The following ZNF665 variants were observed in gnomAD, a reference collection of about 807,000 sequenced individuals.
ZNF665 encodes the protein zinc finger protein 665.
ZNF665 carries 6 observed loss-of-function variants against 7.9 expected under a neutral mutation model. The observed-to-expected ratio is 0.76, with a 90% CI of 0.42 to 1.50. The LOEUF is 1.50. Ranked by LOEUF, ZNF665 falls within the 40% of genes most tolerant of loss-of-function variation. ZNF665 has a pLI of 0.01. For missense variants in ZNF665, 819 were observed against 806.7 expected, an observed-to-expected ratio of 1.02 and a Z score of -0.18; for synonymous variants, 242 against 274.5, an observed-to-expected ratio of 0.88 and a Z score of 1.17.
Position 53,164,382 on chromosome 19 carries a change from C to A in ZNF665, c.*71G>T. The A allele has an allele frequency of 7.9e-7, 1 of 1,271,560 alleles. No individual in the cohort carries two copies. The highest frequency in any genetic ancestry group is 1.6e-5 in the South Asian group (1 of 63,574). 78.8% of individuals were successfully genotyped at this position (1,271,560 alleles called of 1,614,324 possible). On this transcript the variant is annotated 3_prime_UTR_variant, in exon 4 of 4. Transcript: ENST00000396424. Reference sequence around the variant, plus strand: ...CGAACTCGAGACCTCAGGTGATCCCCCCGCCTCGGCCTCCCAAAGTGCTGG... The same window carrying A: ...CGAACTCGAGACCTCAGGTGATCCCACCGCCTCGGCCTCCCAAAGTGCTGG...
At chr19:53,181,547 G>A (rs1475507036) in intron 2 of ZNF665, 3 of 152,130 alleles carry the variant, frequency 2.0e-5, no homozygotes, top group African/African-American at 7.2e-5. Context: ...ACTAACAGAT[G>A]ACATACTCAC....
At chr19:53,184,056 C>G (rs2090758503) in intron 1 of ZNF665, among the ~76,000 whole-genome samples, 1 of 152,032 alleles carries the variant, frequency 6.6e-6, no homozygotes, top group African/African-American at 2.4e-5. Flanking sequence ...TTGAGACCAG[C>G]CTGGGCAACA....
At chr19:53,185,244 T>G (rs547826113) in intron 1 of ZNF665, among the ~76,000 whole-genome samples, 1 of 151,902 alleles carries the variant, frequency 6.6e-6, no homozygotes, top group South Asian at 2.1e-4. Flanking sequence ...CCTTGCCACT[T>G]ACGCTACCGC....
intron 3 of ZNF665, among the ~76,000 whole-genome samples, chr19:53,172,345 C>A (rs1307053911): frequency 6.6e-6 from 1 of 152,040 alleles, no homozygotes; most frequent in Non-Finnish European, 1.5e-5. Flanking sequence ...GAAATTTCCA[C>A]ATAATTTTTC....
intron 2 of ZNF665, chr19:53,182,344 C>T: frequency 3.9e-6 from 1 of 257,538 alleles, no homozygotes; most frequent in South Asian, 5.2e-5. Context: ...GCACTCCAGC[C>T]TAGGCGACAG....
chr19:53,188,995 G>T (rs1474274158), intron 1 of ZNF665, among the ~76,000 whole-genome samples: 2 of 151,374 alleles, frequency 1.3e-5, no homozygotes, highest in African/African-American at 2.4e-5. Flanking sequence ...ACCATGCCCA[G>T]CCTTATTTTT....
At position 53,175,508 on chromosome 19, in the gene ZNF665, G is replaced by A. The variant is rs199747280; in HGVS notation, c.79C>T (p.Pro27Ser). ...TCCCTGTACAAAGTCTTCTGAGCAG[G>A]GTCCAGGCATGTCCACTCCTCCTGA... ...FSQEEWTCLD[P>S]AQKTLYRDVM... Residue 27 changes from proline (P) to serine (S), a missense_variant, in exon 3 of 4, where the codon CCT becomes TCT. Physicochemically the swap from Pro to Ser is moderately conservative, Grantham distance 74. Transcript: ENST00000396424. 362 of 1,612,542 alleles carry A rather than the reference G, an allele frequency of 2.2e-4. 4 individuals are homozygous for A. In the East Asian group the frequency reaches 4.9e-3, roughly 22 times the overall value.
At position 53,166,192 on chromosome 19, in the gene ZNF665, A is replaced by G. The variant is rs1254396871; in HGVS notation, c.298T>C (p.Cys100Arg). ...TTTCCTTCATCATCTTTCCACTGAC[A>G]CTCAAAGTCGTATGTATTTTTCTGA... ...EVQKNTYDFE[C>R]QWKDDEGNYK... is the part of the protein sequence containing the mutation. The change falls in exon 4 of 4, where the codon TGT (cysteine) becomes CGT (arginine). Residue 100 changes from cysteine to arginine, a missense_variant. Transcript: ENST00000396424. 6.2e-7 allele frequency: 1 copy of G among 1,613,834 alleles called. No homozygotes were observed. The highest frequency in any genetic ancestry group is 8.5e-7 in the Non-Finnish European group (1 of 1,179,880).
At position 53,165,985 on chromosome 19, in the gene ZNF665, T is replaced by G. The variant is rs2090611273; in HGVS notation, c.505A>C (p.Lys169Gln). Reference protein sequence around the residue: ...GKIYEYNQVEKSPNNRGKHYK... With the variant: ...GKIYEYNQVEQSPNNRGKHYK... ...TGTTTTCCTCGATTATTAGGAGACT[T>G]CTCAACTTGATTGTATTCATAAATT... Residue 169 changes from lysine (K) to glutamine (Q), a missense_variant, in exon 4 of 4, where the codon AAG (lysine) becomes CAG (glutamine). Physicochemically the swap from Lys to Gln is moderately conservative, Grantham distance 53 (BLOSUM62 1). Transcript: ENST00000396424. The G allele has an allele frequency of 6.2e-7, 1 of 1,613,716 alleles. No homozygotes were observed. The highest frequency in any genetic ancestry group is 1.7e-5 in the Admixed American group (1 of 59,994).
chr19:53,168,613 T>C (rs1204481452), intron 3 of ZNF665, among the ~76,000 whole-genome samples: 1 of 152,134 alleles, frequency 6.6e-6, no homozygotes, highest in Non-Finnish European at 1.5e-5. Flanking sequence ...CTAAAATTCA[T>C]AGGAAAATGG....
chr19:53,189,337 AT>A (rs1351904678), intron 1 of ZNF665, among the ~76,000 whole-genome samples: 3 of 151,692 alleles, frequency 2.0e-5, no homozygotes, highest in Non-Finnish European at 4.4e-5. Flanking sequence ...ACTACCACCA[AT>A]GCACGGAGAC....
chr19:53,184,877 G>A (rs923144043), intron 1 of ZNF665, among the ~76,000 whole-genome samples: 10 of 151,652 alleles, frequency 6.6e-5, no homozygotes, highest in Non-Finnish European at 5.9e-5. Context: ...CGTGGGTCAC[G>A]TGTCCACTGG....
rs186200739 is a variant in ZNF665 at position 53,176,290 on chromosome 19, C to G, written c.16-719G>C. On this transcript the variant is annotated intron_variant, in intron 2 of 3. Coordinates refer to ENST00000396424, the MANE Select transcript of ZNF665 (RefSeq NM_024733.5). ...GAACATCCATGGCCAATAATGTAAA[C>G]AGTTATGCCTATGTAATGAACCTTC... 2.0e-5 allele frequency among the ~76,000 whole-genome samples: 3 copies of G among 152,236 alleles called. No homozygotes were observed. The East Asian group carries it at 5.8e-4, about 29-fold the overall frequency.
Position 53,184,955 on chromosome 19 carries a change from A to G in ZNF665, c.-45-2012T>C, listed in dbSNP as rs528383908. On this transcript the variant is annotated intron_variant, in intron 1 of 3. Transcript: ENST00000396424. ...GAGGAGAAAGAGAGAAACAGCTTAC[A>G]CTATTATTTCTGCTTATCAGAGACT... 1.1e-3 allele frequency among the ~76,000 whole-genome samples: 163 copies of G among 152,270 alleles called. 3 individuals are homozygous for G. In the East Asian group the frequency reaches 0.025, roughly 23 times the overall value.
Position 53,165,384 on chromosome 19 carries a change from G to A in ZNF665, c.1106C>T (p.Thr369Ile). The change falls in exon 4 of 4, where the codon ACT (threonine) becomes ATT (isoleucine). Residue 369 changes from threonine (T) to isoleucine (I), a missense_variant. By Grantham distance (89) the Thr-to-Ile change is moderately conservative. Transcript: ENST00000396424. Reference protein sequence around the residue: ...SYLAKHRRIHTGEKPYKCNEC... With the variant: ...SYLAKHRRIHIGEKPYKCNEC... ...ATTACACTTGTAAGGTTTCTCACCA[G>A]TATGAATTCGCCGATGCTTTGCAAG... 1.2e-6 allele frequency: 2 copies of A among 1,614,162 alleles called. No homozygotes were observed. The highest frequency in any genetic ancestry group is 1.7e-5 in the Admixed American group (1 of 60,034).
intron 1 of ZNF665, among the ~76,000 whole-genome samples, chr19:53,189,615 G>C (rs1202041614): frequency 6.7e-6 from 1 of 148,224 alleles, no homozygotes; most frequent in African/African-American, 2.5e-5. Context: ...GCAGAGCCAG[G>C]TGTACAGGAT....
intron 2 of ZNF665, chr19:53,181,137 G>A (rs1388922691): frequency 6.6e-6 from 1 of 152,158 alleles, no homozygotes; most frequent in African/African-American, 2.4e-5. Context: ...TGGAGAAAAT[G>A]GGCTGGGCAT....
At chr19:53,168,910 G>A (rs951061920) in intron 3 of ZNF665, among the ~76,000 whole-genome samples, 2 of 152,034 alleles carry the variant, frequency 1.3e-5, no homozygotes, top group African/African-American at 4.8e-5. Flanking sequence ...AAACCCTTTT[G>A]TTTATACCTC....
In ZNF665 at chr19:53,163,187, C is replaced by T. The variant is rs1453368737; in HGVS notation, c.*1266G>A. The T allele has an allele frequency of 6.6e-6, 1 of 152,118 alleles. No individual in the cohort carries two copies. Among genetic ancestry groups the T allele is most frequent in the Non-Finnish European group, 1.5e-5 (1 of 68,070 alleles). The allele number at this position is 152,118 out of a possible 1,614,324, so 9.4% of individuals were successfully genotyped here. A position where few individuals can be genotyped will look rare whatever the true frequency, so the allele number is the denominator to read the frequency against. On this transcript the variant is annotated 3_prime_UTR_variant, in exon 4 of 4. Coordinates refer to ENST00000396424, the MANE Select transcript of ZNF665 (RefSeq NM_024733.5). ...TAGCTGGGATTACAGGCATGCGCCA[C>T]CATGCCTGGCTAATTTTGTATTTTT...
Sources: allele counts gnomAD v4.1 joint callset (sites outside exome capture counted in the v4.1 genomes callset), GRCh38; gene constraint gnomAD v4.1.1; transcripts MANE v1.5; gene names NCBI Gene and HGNC (gene_info 2026-07-23, HGNC 2026-07-21).